The following ASTN1 variants were observed in gnomAD, a reference collection of about 807,000 sequenced individuals.
ASTN1 encodes astrotactin-1.
A neutral mutation model predicts 140.7 loss-of-function variants in ASTN1; 41 were observed. That is an observed-to-expected ratio of 0.29 (90% CI 0.23 to 0.38). ASTN1 has a LOEUF of 0.38. ASTN1 is among the 10% of genes least tolerant of loss of function. ASTN1 has a pLI of 1.00. For missense variants in ASTN1, 1,479 were observed against 1,678.8 expected, an observed-to-expected ratio of 0.88 and a Z score of 2.08; for synonymous variants, 640 against 652.2, an observed-to-expected ratio of 0.98 and a Z score of 0.29.
intron 11 of ASTN1, among the ~76,000 whole-genome samples, chr1:176,956,179 A>T (rs4652213): frequency 0.094 from 14,255 of 152,054 alleles, 1,253 homozygotes; most frequent in African/African-American, 0.23. Context: ...TTCCTGACAG[A>T]CCTTCCTGTT....
At chr1:176,897,460 C>G (rs1669566237) in intron 16 of ASTN1, among the ~76,000 whole-genome samples, 1 of 152,050 alleles carries the variant, frequency 6.6e-6, no homozygotes, top group Admixed American at 6.5e-5. Context: ...CATTTCCTAA[C>G]TGACCCGCAG....
At chr1:176,871,997 C>T (rs983720188) in intron 21 of ASTN1, among the ~76,000 whole-genome samples, 5 of 152,160 alleles carry the variant, frequency 3.3e-5, no homozygotes, top group African/African-American at 7.2e-5. Flanking sequence ...CTCAGGCAGC[C>T]GGGTAAATTG....
Position 177,032,442 on chromosome 1 carries a change from T to C in ASTN1, c.865+14A>G, listed in dbSNP as rs756082932. On this transcript the variant is annotated intron_variant, in intron 3 of 22. Coordinates refer to ENST00000361833, the MANE Select transcript of ASTN1 (RefSeq NM_004319.3). ...GAAGGACCAAACAGCCCCTTGCCTT[T>C]CTCCCATCCCCACCTGGTGTGAGGT... is the stretch of plus-strand genomic sequence containing the variant. 6.8e-6 allele frequency: 11 copies of C among 1,609,236 alleles called. No individual in the cohort carries two copies. The highest frequency in any genetic ancestry group is 9.3e-6 in the Non-Finnish European group (11 of 1,177,314).
chr1:177,164,309 G>C, intron 1 of ASTN1, 85 bp downstream of exon 1: 28 of 1,367,426 alleles, frequency 2.0e-5, no homozygotes, highest in Non-Finnish European at 2.7e-5. Flanking sequence ...GGTCGTCGGC[G>C]AGTGGGTGTG....
chr1:177,123,211 C>T (rs565801169), intron 1 of ASTN1, among the ~76,000 whole-genome samples: 6 of 152,250 alleles, frequency 3.9e-5, no homozygotes, highest in Admixed American at 1.3e-4. Context: ...AGTGGTCCCA[C>T]GCAAACCCTC....
chr1:176,983,414 G>A (rs558491710), intron 8 of ASTN1, among the ~76,000 whole-genome samples: 2 of 152,244 alleles, frequency 1.3e-5, no homozygotes, highest in East Asian at 3.9e-4. Flanking sequence ...ATAGGAAAAA[G>A]CAATTCAGCA....
intron 16 of ASTN1, among the ~76,000 whole-genome samples, chr1:176,896,570 C>A (rs766472042): frequency 6.6e-6 from 1 of 152,114 alleles, no homozygotes; most frequent in African/African-American, 2.4e-5. Context: ...GGAGCGAGTG[C>A]GGGTGGGGTG....
At position 176,861,685 on chromosome 1, in the gene ASTN1, C is replaced by CGT. The variant is rs374272632; in HGVS notation, c.*2597_*2598dup. The CGT allele has an allele frequency of 8.7e-5, 85 of 979,240 alleles. No individual in the cohort carries two copies. Among genetic ancestry groups the CGT allele is most frequent in the Admixed American group, 8.6e-4 (14 of 16,186 alleles). The allele number at this position is 979,240 out of a possible 1,614,324, so 60.7% of individuals were successfully genotyped here. On this transcript the variant is annotated 3_prime_UTR_variant, in exon 23 of 23. Coordinates refer to ENST00000361833, the MANE Select transcript of ASTN1 (RefSeq NM_004319.3). ...GAGTTGTGTGCATTGTGTGTGCACA[C>CGT]GTGTGTGTGTGTGTACATACATACA...
intron 16 of ASTN1, among the ~76,000 whole-genome samples, chr1:176,901,458 G>T (rs1361700020): frequency 6.6e-6 from 1 of 152,142 alleles, no homozygotes; most frequent in Non-Finnish European, 1.5e-5. Context: ...GTGAAACCAC[G>T]GGTACCAAAG....
At chr1:177,143,911 G>T (rs563358376) in intron 1 of ASTN1, among the ~76,000 whole-genome samples, 79 of 152,178 alleles carry the variant, frequency 5.2e-4, no homozygotes, top group African/African-American at 1.8e-3. Flanking sequence ...GTGAAAGGTA[G>T]GTGGGAATTA....
chr1:177,128,176 C>T (rs1681761136), intron 1 of ASTN1, among the ~76,000 whole-genome samples: 1 of 152,086 alleles, frequency 6.6e-6, no homozygotes, highest in South Asian at 2.1e-4. Flanking sequence ...GGAGTCATAA[C>T]TTAGAAGCAC....
intron 16 of ASTN1, among the ~76,000 whole-genome samples, chr1:176,907,266 T>G (rs1670044114): frequency 6.6e-6 from 1 of 152,218 alleles, no homozygotes; most frequent in Non-Finnish European, 1.5e-5. Flanking sequence ...AAAGGTAATT[T>G]ATTAAATATG....
chr1:176,888,094 G>C lies in ASTN1; in HGVS notation c.3051C>G (p.Thr1017=), dbSNP rs1189832994. The C allele has an allele frequency of 6.2e-7, 1 of 1,614,146 alleles. No homozygotes were observed. The highest frequency in any genetic ancestry group is 8.5e-7 in the Non-Finnish European group (1 of 1,180,026). ...ACACAGGCTGTGGGAGAGGCGCACA[G>C]GTGGGGAGTCCATCAGCTCCAAAAG... is the stretch of plus-strand genomic sequence containing the variant. The part of the protein sequence containing the change: ...STAFGADGLP[T]CAPLPQPVLR... The change falls in exon 18 of 23, where the codon ACC becomes ACG. Residue 1017 remains threonine, a synonymous_variant. Transcript: ENST00000361833.
intron 8 of ASTN1, among the ~76,000 whole-genome samples, chr1:177,002,999 C>G (rs922196289): frequency 2.6e-5 from 4 of 151,160 alleles, no homozygotes; most frequent in Non-Finnish European, 5.9e-5. Flanking sequence ...AACGAACAAA[C>G]AAACAAAAAA....
intron 8 of ASTN1, among the ~76,000 whole-genome samples, chr1:176,990,238 T>TGGGGGGGGGG (rs1186691996): frequency 8.3e-5 from 1 of 12,116 alleles, no homozygotes; most frequent in Non-Finnish European, 1.6e-4. Context: ...ACAGCAGGGG[T>TGGGGGGGGGG]GGGGGGGTGG....
chr1:176,998,276 C>T (rs2101908571), intron 8 of ASTN1, among the ~76,000 whole-genome samples: 1 of 152,228 alleles, frequency 6.6e-6, no homozygotes, highest in Admixed American at 6.5e-5. Flanking sequence ...TAATGCTTGT[C>T]ACATGGAAAG....
chr1:177,123,372 CTAA>C (rs1681491056), intron 1 of ASTN1, among the ~76,000 whole-genome samples: 1 of 152,170 alleles, frequency 6.6e-6, no homozygotes, highest in Non-Finnish European at 1.5e-5. Context: ...TTTGCCCACA[CTAA>C]TGACAATTAA....
chr1:176,978,817 A>C (rs966087120), intron 8 of ASTN1, among the ~76,000 whole-genome samples: 2 of 152,188 alleles, frequency 1.3e-5, no homozygotes, highest in African/African-American at 4.8e-5. Flanking sequence ...GAAGACAGTA[A>C]AAGCAAGTCC....
chr1:177,133,024 C>T (rs1682014767), intron 1 of ASTN1, among the ~76,000 whole-genome samples: 1 of 152,160 alleles, frequency 6.6e-6, no homozygotes. Context: ...ATGATTCATA[C>T]ACTATAATTT....
Sources: gnomAD v4.1 joint callset for allele counts (sites outside exome capture counted in the v4.1 genomes callset) on GRCh38, gnomAD v4.1.1 for gene constraint, MANE v1.5 for transcripts, NCBI Gene and HGNC (gene_info 2026-07-23, HGNC 2026-07-21) for gene names.